Variants in MPP3 observed in about 807,000 individuals in gnomAD.
MPP3 encodes MAGUK p55 subfamily member 3.
Under a neutral mutation model 80.7 loss-of-function variants are expected in MPP3, and 48 were observed. The observed-to-expected ratio is 0.59, with a 90% CI of 0.47 to 0.76. The LOEUF (loss-of-function observed/expected upper bound fraction) is 0.76, where lower values mean the gene tolerates loss of function less well. MPP3 is among the 30% of genes least tolerant of loss of function. The pLI is 0.00. For synonymous variants in MPP3, 311 were observed against 297.6 expected (o/e 1.04, Z -0.46); for missense variants, 620 against 763.0 (o/e 0.81, Z 2.21).
At chr17:43,803,677 A>G (rs566454259) in intron 19 of MPP3, among the ~76,000 whole-genome samples, 5 of 152,204 alleles carry the variant, frequency 3.3e-5, no homozygotes, top group Non-Finnish European at 7.4e-5. Context: ...AATTTCTCCA[A>G]ATGTCATCTG....
chr17:43,825,577 C>T (rs2143068199), intron 9 of MPP3, 179 bp downstream of exon 9: 1 of 566,610 alleles, frequency 1.8e-6, no homozygotes, highest in Non-Finnish European at 3.2e-6. Flanking sequence ...AAGTTCCCCT[C>T]CTCCTGCTGC....
At chr17:43,807,792 T>A (rs115314344) in intron 19 of MPP3, among the ~76,000 whole-genome samples, 1 of 151,394 alleles carries the variant, frequency 6.6e-6, no homozygotes, top group African/African-American at 2.4e-5. Context: ...CCTGTCTCTA[T>A]AAAAAAATTT....
At chr17:43,802,338 A>C (rs1338223475) in intron 19 of MPP3, among the ~76,000 whole-genome samples, 1 of 152,254 alleles carries the variant, frequency 6.6e-6, no homozygotes, top group African/African-American at 2.4e-5. Flanking sequence ...TCTGCAATCA[A>C]CTGGTGGAAG....
At position 43,818,080 on chromosome 17, in the gene MPP3, G is replaced by A. The variant is rs925296464; in HGVS notation, c.912C>T (p.Thr304=). 6.4e-7 allele frequency: 1 copy of A among 1,574,012 alleles called. No homozygotes were observed. Among genetic ancestry groups the A allele is most frequent in the Non-Finnish European group, 8.6e-7 (1 of 1,159,304 alleles). The change falls in exon 12 of 20, where the codon ACC becomes ACT. Residue 304 remains threonine (T), a synonymous_variant. Coordinates refer to ENST00000398389, the MANE Select transcript of MPP3 (RefSeq NM_001932.6). ...RRLSYRRAAG[T]LPSPQSLRKP... ...TCCTGAGGCTCTGGGGGCTCGGCAG[G>A]GTGCCCGCGGCTCTCCGGTAGCTTA...
At chr17:43,821,801 A>AT (rs370610293) in intron 10 of MPP3, among the ~76,000 whole-genome samples, 3 of 152,232 alleles carry the variant, frequency 2.0e-5, no homozygotes, top group African/African-American at 7.2e-5. Flanking sequence ...GGAAAAAAAA[A>AT]GCAATCAGGG....
At chr17:43,818,616 G>C (rs1422283847) in intron 11 of MPP3, among the ~76,000 whole-genome samples, 1 of 152,112 alleles carries the variant, frequency 6.6e-6, no homozygotes, top group African/African-American at 2.4e-5. Flanking sequence ...GAGGTCACTA[G>C]ATTTCCACAT....
At chr17:43,812,764 T>C (rs2044928196) in intron 16 of MPP3, among the ~76,000 whole-genome samples, 1 of 152,210 alleles carries the variant, frequency 6.6e-6, no homozygotes, top group Non-Finnish European at 1.5e-5. Flanking sequence ...CAAGGGGTTC[T>C]GAACGATCAG....
intron 18 of MPP3, 107 bp downstream of exon 18, chr17:43,810,700 T>C: frequency 2.7e-6 from 2 of 752,720 alleles, no homozygotes; most frequent in South Asian, 1.8e-5. Context: ...CAGCCAGTGT[T>C]CTAGACTAAA....
At chr17:43,826,835 T>A (rs1359208994) in intron 8 of MPP3, among the ~76,000 whole-genome samples, 174 of 147,748 alleles carry the variant, frequency 1.2e-3, no homozygotes, top group Non-Finnish European at 1.3e-3. Context: ...TATATATTTT[T>A]TTTTTTTTTC....
rs80161016 is a variant in MPP3, at chr17:43,822,124, C to T, written c.685-1066G>A. On this transcript the variant is annotated intron_variant, in intron 10 of 19. Coordinates refer to ENST00000398389, the MANE Select transcript of MPP3 (RefSeq NM_001932.6). ...GTCAGAACCCTCAAAGTTGCATGTG[C>T]GGACCACATTCGCTTGTCCTAGGAA... Among the ~76,000 whole-genome samples the T allele has an allele frequency of 8.0e-3, 1,216 of 152,260 alleles. 10 individuals are homozygous for T. The highest frequency in any genetic ancestry group is 0.027 in the African/African-American group (1,111 of 41,528).
intron 7 of MPP3, among the ~76,000 whole-genome samples, chr17:43,828,681 G>A (rs2045824773): frequency 6.6e-6 from 1 of 152,174 alleles, no homozygotes; most frequent in African/African-American, 2.4e-5. Flanking sequence ...CACACTTATT[G>A]TTAACATCAT....
intron 8 of MPP3, among the ~76,000 whole-genome samples, chr17:43,826,317 A>C (rs531236003): frequency 6.6e-6 from 1 of 152,278 alleles, no homozygotes; most frequent in South Asian, 2.1e-4. Flanking sequence ...TGAATGACTA[A>C]TGTCTCTGCA....
chr17:43,820,880 G>A lies in MPP3; in HGVS notation c.863C>T (p.Ser288Phe). ...GACCCACCTCTCCTGGAACCCCTTG[G>A]AGGGGATGAGGCCGGCTCGAAGGTT... ...DTNLRAGLIP[S>F]KGFQERRLSY... Residue 288 changes from serine (S) to phenylalanine (F), a missense_variant, in exon 11 of 20, where the codon TCC becomes TTC. Coordinates refer to ENST00000398389, the MANE Select transcript of MPP3 (RefSeq NM_001932.6). The A allele has an allele frequency of 6.2e-7, 1 of 1,614,184 alleles. No homozygotes were observed. Among genetic ancestry groups the A allele is most frequent in the Non-Finnish European group, 8.5e-7 (1 of 1,180,014 alleles).
rs1474240691 is a variant in MPP3 at position 43,801,062 on chromosome 17, T to G, written c.*639A>C. Reference sequence around the variant, plus strand: ...TATTTAGAAAGGGGAAAGGCAACCTTACATTCCTCGAGTCCCTGAAGGCAC... The same window carrying G: ...TATTTAGAAAGGGGAAAGGCAACCTGACATTCCTCGAGTCCCTGAAGGCAC... On this transcript the variant is annotated 3_prime_UTR_variant, in exon 20 of 20. Transcript: ENST00000398389. 6.6e-6 allele frequency: 1 copy of G among 152,268 alleles called. No individual in the cohort carries two copies. The highest frequency in any genetic ancestry group is 1.5e-5 in the Non-Finnish European group (1 of 68,100). 9.4% of individuals were successfully genotyped at this position (152,268 alleles called of 1,614,324 possible).
chr17:43,820,769 C>G (rs1380362550), intron 11 of MPP3, 93 bp downstream of exon 11: 11 of 1,230,296 alleles, frequency 8.9e-6, no homozygotes, highest in Non-Finnish European at 1.3e-5. Context: ...CAGCAGGCCC[C>G]TCTGGCTGTG....
intron 19 of MPP3, among the ~76,000 whole-genome samples, chr17:43,806,121 A>G (rs1285192313): frequency 6.6e-6 from 1 of 152,154 alleles, no homozygotes; most frequent in Non-Finnish European, 1.5e-5. Flanking sequence ...GTATTTAGCT[A>G]TGTCATCAAA....
In MPP3 at chr17:43,821,084, C is replaced by G. The variant is rs753542708; in HGVS notation, c.685-26G>C. On this transcript the variant is annotated intron_variant, in intron 10 of 19. Transcript: ENST00000398389. ...CTGCACAAGGAGGGCTCTGGTGAGG[C>G]GGCCCTTCCCCAAGTGAGCACAGAC... 1.9e-6 allele frequency: 3 copies of G among 1,608,324 alleles called. No individual in the cohort carries two copies. In the East Asian group the frequency reaches 6.7e-5, roughly 36 times the overall value.
intron 8 of MPP3, 51 bp from the exon 9 acceptor site, chr17:43,825,892 C>A: frequency 8.5e-7 from 1 of 1,170,992 alleles, no homozygotes; most frequent in Non-Finnish European, 1.3e-6. Flanking sequence ...CCTGAGCACC[C>A]CTCGCTCAGA....
intron 5 of MPP3, 43 bp from the exon 6 acceptor site, chr17:43,830,150 C>A: frequency 7.1e-7 from 1 of 1,414,394 alleles, no homozygotes; most frequent in Non-Finnish European, 9.5e-7. Flanking sequence ...TAGAGGTGCC[C>A]CTGCCCCATA....
Sources: gnomAD v4.1 joint callset for allele counts (sites outside exome capture counted in the v4.1 genomes callset) on GRCh38, gnomAD v4.1.1 for gene constraint, MANE v1.5 for transcripts, NCBI Gene and HGNC (gene_info 2026-07-23, HGNC 2026-07-21) for gene names.